Variants in NBR1 observed in about 807,000 individuals in gnomAD.
NBR1 encodes NBR1 autophagy cargo receptor.
NBR1 carries 59 observed loss-of-function variants against 115.5 expected under a neutral mutation model. The observed-to-expected ratio is 0.51, with a 90% CI of 0.41 to 0.63. NBR1 has a LOEUF of 0.63. NBR1 is among the 30% of genes least tolerant of loss of function. The pLI is 0.00. For missense variants in NBR1, 1,043 were observed against 1,150.5 expected (o/e 0.91, Z 1.35); for synonymous variants, 373 against 414.7 (o/e 0.90, Z 1.22).
intron 16 of NBR1, among the ~76,000 whole-genome samples, chr17:43,197,696 A>G (rs17527802): frequency 0.32 from 48,752 of 151,926 alleles, 8,154 homozygotes; most frequent in South Asian, 0.49. Flanking sequence ...TGCTGCCTGG[A>G]TTCTGCAGTA....
intron 9 of NBR1, 32 bp downstream of exon 9, chr17:43,190,808 CTGAT>C: frequency 6.5e-7 from 1 of 1,545,368 alleles, no homozygotes; most frequent in Non-Finnish European, 8.7e-7. Context: ...TGCTTATTCT[CTGAT>C]TGACTTCTTG....
chr17:43,193,437 TG>T lies in NBR1; in HGVS notation c.1324del (p.Val442TyrfsTer36). 1 of 1,613,974 alleles carries T rather than the reference TG, an allele frequency of 6.2e-7. No individual in the cohort carries two copies. Among genetic ancestry groups the T allele is most frequent in the Non-Finnish European group, 8.5e-7 (1 of 1,179,884 alleles). ...GCCTCAAGGCCGGCCATGTGGGAGT[TG>T]TATCTGTGGAGTTCATTGCCCCAGC... ...PCLKAGHVGV[V>X]SVEFIAPALE... On this transcript the variant is annotated frameshift_variant, in exon 12 of 21. Transcript: ENST00000590996. LOFTEE classifies it high-confidence loss of function.
At chr17:43,190,174 AC>A (rs1323432805) in intron 8 of NBR1, 1 of 287,722 alleles carries the variant, frequency 3.5e-6, no homozygotes, top group Non-Finnish European at 6.5e-6. Context: ...CTGCAGCCTC[AC>A]CCTCCCAGGC....
In NBR1 at chr17:43,183,061, G is replaced by A. The variant is rs933961769; in HGVS notation, c.207+2244G>A. 1.5e-4 allele frequency among the ~76,000 whole-genome samples: 23 copies of A among 151,402 alleles called. 1 individual carries two copies. Among genetic ancestry groups the A allele is most frequent in the Non-Finnish European group, 4.4e-5 (3 of 67,934 alleles). ...TTACAGGCGTGAGCCACTGCGCCTG[G>A]CGTCTTTTTTTTTTTGAGACAGGGT... On this transcript the variant is annotated intron_variant, in intron 5 of 20. Coordinates refer to ENST00000590996, the MANE Select transcript of NBR1 (RefSeq NM_005899.5).
chr17:43,205,943 G>A (rs1214522028), intron 20 of NBR1, among the ~76,000 whole-genome samples: 1 of 151,328 alleles, frequency 6.6e-6, no homozygotes, highest in East Asian at 1.9e-4. Flanking sequence ...ACTTTGGGAG[G>A]CTGAGGCGGG....
At chr17:43,186,468 A>G in intron 6 of NBR1, 24 bp downstream of exon 6, 1 of 1,445,674 alleles carries the variant, frequency 6.9e-7, no homozygotes, top group East Asian at 2.7e-5. Flanking sequence ...GGCCCAGTCT[A>G]TCCAATATCG....
chr17:43,183,964 C>T (rs796632557), intron 5 of NBR1, among the ~76,000 whole-genome samples: 32 of 152,112 alleles, frequency 2.1e-4, no homozygotes, highest in African/African-American at 7.7e-4. Context: ...CCAGCTACCA[C>T]ACCTGGCTAG....
intron 5 of NBR1, among the ~76,000 whole-genome samples, chr17:43,184,844 C>G (rs957215565): frequency 6.6e-6 from 1 of 151,836 alleles, no homozygotes; most frequent in Non-Finnish European, 1.5e-5. Context: ...GTAATCCCAG[C>G]ACTTTGGGAG....
At position 43,190,732 on chromosome 17, in the gene NBR1, A is replaced by T; in HGVS notation, c.819A>T (p.Ser273=). ...GCTCCTCTGAACCGTTCTGTCACTC[A>T]AAGTACTCTACTCCTCGTCTTCCTG... ...VVGSSEPFCH[S]KYSTPRLPAA... is the part of the protein sequence containing the mutation. The change falls in exon 9 of 21, where the codon TCA becomes TCT. Residue 273 remains serine (S), a synonymous_variant. Transcript: ENST00000590996. The T allele has an allele frequency of 6.2e-7, 1 of 1,613,492 alleles. No individual in the cohort carries two copies. Among genetic ancestry groups the T allele is most frequent in the South Asian group, 1.1e-5 (1 of 91,036 alleles).
intron 5 of NBR1, among the ~76,000 whole-genome samples, chr17:43,183,745 C>T (rs1460147644): frequency 4.0e-5 from 6 of 151,536 alleles, no homozygotes; most frequent in East Asian, 2.0e-4. Flanking sequence ...CTGCAGCCTC[C>T]GCCTCCTGGA....
intron 16 of NBR1, among the ~76,000 whole-genome samples, chr17:43,199,338 G>A (rs576185273): frequency 6.6e-6 from 1 of 151,408 alleles, no homozygotes; most frequent in Non-Finnish European, 1.5e-5. Flanking sequence ...GCCTCCCAAC[G>A]TGCTGGGATT....
At chr17:43,176,869 C>G (rs1211397429) in intron 2 of NBR1, among the ~76,000 whole-genome samples, 2 of 152,096 alleles carry the variant, frequency 1.3e-5, no homozygotes, top group South Asian at 2.1e-4. Flanking sequence ...CTCCATTCTC[C>G]CCCCCCTCAT....
intron 2 of NBR1, 41 bp from the exon 3 acceptor site, chr17:43,177,895 G>A: frequency 7.1e-7 from 1 of 1,407,700 alleles, no homozygotes; most frequent in Non-Finnish European, 9.5e-7. Context: ...TGACTTCTGT[G>A]TACATTATAA....
rs1252206548 is a variant in NBR1, at chr17:43,193,716, A to C, written c.1524+78A>C. ...GAGATGGCTAAAACTAAAAGAACCCACTCATAGCTGGTTGTTTTCCAGAAA... is the reference window on the plus strand; with the variant it reads ...GAGATGGCTAAAACTAAAAGAACCCCCTCATAGCTGGTTGTTTTCCAGAAA... On this transcript the variant is annotated intron_variant, in intron 12 of 20. Coordinates refer to ENST00000590996, the MANE Select transcript of NBR1 (RefSeq NM_005899.5). The C allele has an allele frequency of 3.5e-6, 5 of 1,438,268 alleles. No homozygotes were observed. The Admixed American group carries it at 1.3e-4, about 36-fold the overall frequency. The allele number at this position is 1,438,268 out of a possible 1,614,324, so 89.1% of individuals were successfully genotyped here. A position where few individuals can be genotyped will look rare whatever the true frequency, so the allele number is the denominator to read the frequency against.
In NBR1 at chr17:43,205,917, C is replaced by T. The variant is rs866541590; in HGVS notation, c.2727+2131C>T. The stretch of plus-strand genomic sequence containing the variant: ...AAAAAAGGCTGGGTGTGGTGGCTCA[C>T]GCCTGTAATCTCAACACTTTGGGAG... On this transcript the variant is annotated intron_variant, in intron 20 of 20. Transcript: ENST00000590996. Among the ~76,000 whole-genome samples, 11 of 147,172 alleles carry T rather than the reference C, an allele frequency of 7.5e-5. No individual in the cohort carries two copies. In the East Asian group the frequency reaches 1.8e-3, roughly 24 times the overall value.
intron 4 of NBR1, 21 bp downstream of exon 4, chr17:43,179,433 G>T: frequency 1.2e-6 from 2 of 1,609,700 alleles, no homozygotes; most frequent in East Asian, 2.2e-5. Context: ...AAGAGAGTCT[G>T]TTCAGCCTTG....
intron 2 of NBR1, 56 bp from the exon 3 acceptor site, chr17:43,177,880 T>A: frequency 7.6e-7 from 1 of 1,319,208 alleles, no homozygotes; most frequent in African/African-American, 1.5e-5. Flanking sequence ...GGGTTTTTTT[T>A]ACTTTGACTT....
rs1008104667 is a variant in NBR1 at position 43,191,654 on chromosome 17, C to T, written c.1073+73C>T. 15 of 983,738 alleles carry T rather than the reference C, an allele frequency of 1.5e-5. 1 individual carries two copies. The highest frequency in any genetic ancestry group is 2.6e-4 in the Middle Eastern group (1 of 3,808). 60.9% of individuals were successfully genotyped at this position (983,738 alleles called of 1,614,324 possible). A position where few individuals can be genotyped will look rare whatever the true frequency, so the allele number is the denominator to read the frequency against. ...TGAAACTGGAACTTCAACCAATTTC[C>T]GTCTTATTTATTGGTAGCCCTTAAC... On this transcript the variant is annotated intron_variant, in intron 10 of 20. Transcript: ENST00000590996.
chr17:43,205,858 A>G (rs1369865862), intron 20 of NBR1, among the ~76,000 whole-genome samples: 9 of 140,876 alleles, frequency 6.4e-5, no homozygotes, highest in Non-Finnish European at 1.4e-4. Context: ...AATGTGGGTG[A>G]CAGAGTGAGA....
Sources: gnomAD v4.1 joint callset for allele counts (sites outside exome capture counted in the v4.1 genomes callset) on GRCh38, gnomAD v4.1.1 for gene constraint, MANE v1.5 for transcripts, NCBI Gene and HGNC (gene_info 2026-07-23, HGNC 2026-07-21) for gene names.